The following MPC1 variants were observed in gnomAD, a reference collection of about 807,000 sequenced individuals.
MPC1 encodes mitochondrial pyruvate carrier 1.
MPC1 carries 6 observed loss-of-function variants against 13.9 expected under a neutral mutation model. That is an observed-to-expected ratio of 0.43 (90% CI 0.24 to 0.85). The LOEUF is 0.85. Among genes scored for constraint, MPC1 ranks in the 40% least tolerant of loss-of-function variants. The pLI, the probability that MPC1 is intolerant of heterozygous loss-of-function variation, is 0.24. For missense variants in MPC1, 115 were observed against 143.3 expected (o/e 0.80, Z 1.01); for synonymous variants, 47 against 50.5 (o/e 0.93, Z 0.29).
intron 1 of MPC1, among the ~76,000 whole-genome samples, chr6:166,374,662 A>G (rs1012984320): frequency 2.0e-5 from 3 of 152,214 alleles, no homozygotes; most frequent in Non-Finnish European, 2.9e-5. Flanking sequence ...CAGTTGTCGC[A>G]GCACAATTTG....
intron 1 of MPC1, among the ~76,000 whole-genome samples, chr6:166,370,699 A>C (rs771901569): frequency 6.6e-6 from 1 of 152,252 alleles, no homozygotes; most frequent in East Asian, 1.9e-4. Flanking sequence ...ACACAAATAT[A>C]TTTTAAAAAT....
rs1341334326 is a variant in MPC1 at position 166,365,763 on chromosome 6, T to C, written c.305+211A>G. On this transcript the variant is annotated intron_variant, in intron 4 of 4. Transcript: ENST00000360961. The surrounding 1 kb of genome is among the most constrained non-coding windows in gnomAD (Gnocchi z 4.2). ...GTTGGCACTCTAAAGGTTTCATATT[T>C]TGGAGCATTTCAGATTTTTGGATTT... is the stretch of plus-strand genomic sequence containing the variant. Among the ~76,000 whole-genome samples the C allele has an allele frequency of 6.6e-6, 1 of 152,160 alleles. No homozygotes were observed. Among genetic ancestry groups the C allele is most frequent in the African/African-American group, 2.4e-5 (1 of 41,440 alleles).
chr6:166,366,705 A>T (rs1583056284), intron 3 of MPC1, 90 bp downstream of exon 3: 2 of 1,231,920 alleles, frequency 1.6e-6, no homozygotes, highest in Middle Eastern at 3.8e-4. Context: ...TCTAATAGTG[A>T]CTGTAACATC....
At chr6:166,366,164 AGGACCACAGAGATG>A in intron 3 of MPC1, 58 bp from the exon 4 acceptor site, 1 of 1,575,356 alleles carries the variant, frequency 6.3e-7, no homozygotes, top group Non-Finnish European at 8.6e-7. Flanking sequence ...GAGGGTTGAT[AGGACCACAGAGATG>A]AACAGTTCCA....
At chr6:166,367,022 G>A (rs1020738105) in intron 2 of MPC1, 131 bp from the exon 3 acceptor site, 38 of 1,529,662 alleles carry the variant, frequency 2.5e-5, no homozygotes, top group African/African-American at 2.7e-5. Flanking sequence ...CATCTTGCAG[G>A]TTTACTGGGT....
At chr6:166,368,695 T>C in intron 2 of MPC1, 1 of 926,928 alleles carries the variant, frequency 1.1e-6, no homozygotes, top group South Asian at 5.0e-5. Flanking sequence ...CCCAGACTTT[T>C]GTAAGGGAGA....
intron 2 of MPC1, among the ~76,000 whole-genome samples, chr6:166,368,557 GAAAAAAAA>G (rs11370568): frequency 8.7e-6 from 1 of 114,292 alleles, no homozygotes; most frequent in Non-Finnish European, 1.7e-5. Flanking sequence ...CCGTCTCAGG[GAAAAAAAA>G]AAAAAAAAAA....
At chr6:166,372,867 A>G (rs1779430558) in intron 1 of MPC1, among the ~76,000 whole-genome samples, 1 of 152,218 alleles carries the variant, frequency 6.6e-6, no homozygotes, top group Admixed American at 6.5e-5. Flanking sequence ...CTTTATTTTC[A>G]GTAAAAAAGC....
At position 166,370,111 on chromosome 6, in the gene MPC1, C is replaced by T. The variant is rs543032256; in HGVS notation, c.75+107G>A. ...ACCCTTCACAACCTGCCAGCCATGG[C>T]GGCTAGAAAGGCTCTCATATGCAAA... On this transcript the variant is annotated intron_variant, in intron 2 of 4. Coordinates refer to ENST00000360961, the MANE Select transcript of MPC1 (RefSeq NM_016098.4). 9.5e-5 allele frequency: 73 copies of T among 770,528 alleles called. No homozygotes were observed. The African/African-American group carries it at 1.1e-3, about 12-fold the overall frequency. The allele number at this position is 770,528 out of a possible 1,614,324, so 47.7% of individuals were successfully genotyped here.
Position 166,369,940 on chromosome 6 carries a change from A to G in MPC1, c.75+278T>C, listed in dbSNP as rs1361947882. The G allele has an allele frequency of 1.0e-5, 6 of 586,496 alleles. No individual in the cohort carries two copies. The Admixed American group carries it at 1.7e-4, about 17-fold the overall frequency. The allele number at this position is 586,496 out of a possible 1,614,324, so 36.3% of individuals were successfully genotyped here. A position where few individuals can be genotyped will look rare whatever the true frequency, so the allele number is the denominator to read the frequency against. ...TCTTTTTCTTTCTCTATTTCCTTTC[A>G]TCGGTTGCTAGGCTCCACTGTGACT... On this transcript the variant is annotated intron_variant, in intron 2 of 4. Coordinates refer to ENST00000360961, the MANE Select transcript of MPC1 (RefSeq NM_016098.4).
At position 166,381,981 on chromosome 6, in the gene MPC1, A is replaced by G. The variant is rs1022045750; in HGVS notation, c.71+825T>C. Among the ~76,000 whole-genome samples the G allele has an allele frequency of 8.5e-5, 13 of 152,306 alleles. No homozygotes were observed. In the East Asian group the frequency reaches 2.5e-3, roughly 29 times the overall value. The stretch of plus-strand genomic sequence containing the variant: ...TCCAACAGCGCCGCGCCGCGCTCTC[A>G]GCAGCGCCTCCCGCTGGCGTCTCCC... On this transcript the variant is annotated intron_variant, in intron 1 of 4. Coordinates refer to ENST00000360961, the MANE Select transcript of MPC1 (RefSeq NM_016098.4).
intron 1 of MPC1, among the ~76,000 whole-genome samples, chr6:166,372,215 A>C (rs903259976): frequency 1.3e-5 from 2 of 152,194 alleles, no homozygotes; most frequent in Admixed American, 6.5e-5. Context: ...GGTAACTATG[A>C]ATAACCAAGG....
Position 166,365,382 on chromosome 6 carries a change from A to G in MPC1, c.*47T>C. 6.8e-7 allele frequency: 1 copy of G among 1,470,082 alleles called. No homozygotes were observed. The highest frequency in any genetic ancestry group is 9.1e-7 in the Non-Finnish European group (1 of 1,100,766). 91.1% of individuals were successfully genotyped at this position (1,470,082 alleles called of 1,614,324 possible). A position where few individuals can be genotyped will look rare whatever the true frequency, so the allele number is the denominator to read the frequency against. ...ATAATGAAATCTGTGACTCAGCAGC[A>G]GCTGGCAATGCTGTCCCTTCAAGAC... On this transcript the variant is annotated 3_prime_UTR_variant, in exon 5 of 5. Coordinates refer to ENST00000360961, the MANE Select transcript of MPC1 (RefSeq NM_016098.4). This position sits in a 1 kb window ranked among gnomAD's most constrained non-coding sequence, Gnocchi z 4.2.
intron 1 of MPC1, among the ~76,000 whole-genome samples, chr6:166,373,898 T>C (rs1350132788): frequency 6.6e-6 from 1 of 152,226 alleles, no homozygotes; most frequent in Non-Finnish European, 1.5e-5. Flanking sequence ...TTATTTGCCA[T>C]CTGAACACGG....
At chr6:166,378,959 C>A (rs1205531863) in intron 1 of MPC1, among the ~76,000 whole-genome samples, 1 of 152,212 alleles carries the variant, frequency 6.6e-6, no homozygotes. Flanking sequence ...ATCCATCATT[C>A]AAACTCATCA....
At chr6:166,378,938 C>G (rs530832884) in intron 1 of MPC1, among the ~76,000 whole-genome samples, 41 of 152,340 alleles carry the variant, frequency 2.7e-4, no homozygotes, top group African/African-American at 9.6e-4. Flanking sequence ...AAAGCAAGAG[C>G]TGGGCTTCAA....
intron 1 of MPC1, among the ~76,000 whole-genome samples, chr6:166,372,154 G>A (rs764924208): frequency 2.6e-5 from 4 of 152,144 alleles, no homozygotes; most frequent in African/African-American, 4.8e-5. Flanking sequence ...GTCACCTACG[G>A]CATTGCTCTC....
At position 166,367,463 on chromosome 6, in the gene MPC1, G is replaced by A. The variant is rs3799674; in HGVS notation, c.76-572C>T. Among the ~76,000 whole-genome samples the A allele has an allele frequency of 6.1e-4, 93 of 152,226 alleles. 3 individuals are homozygous for A. The East Asian group carries it at 0.016, about 26-fold the overall frequency. On this transcript the variant is annotated intron_variant, in intron 2 of 4. Coordinates refer to ENST00000360961, the MANE Select transcript of MPC1 (RefSeq NM_016098.4). ...AAATAACTTGGAAATCAATGCCCAG[G>A]ACCCCAGACACTAAGAAATTAAGAT...
chr6:166,376,176 G>GTA (rs200283596), intron 1 of MPC1, among the ~76,000 whole-genome samples: 1,864 of 134,278 alleles, frequency 0.014, 42 homozygotes, highest in African/African-American at 0.046. Flanking sequence ...GTGTGTGTGT[G>GTA]TGTATATATA....
Sources: allele counts gnomAD v4.1 joint callset (sites outside exome capture counted in the v4.1 genomes callset), GRCh38; gene constraint gnomAD v4.1.1; non-coding constraint Gnocchi (gnomAD v3.1); transcripts MANE v1.5; gene names NCBI Gene and HGNC (gene_info 2026-07-23, HGNC 2026-07-21).